Variants in TTC28 observed in about 807,000 individuals in gnomAD.
The protein encoded by TTC28 is tetratricopeptide repeat domain 28, also known as tetratricopeptide repeat protein 28.
A neutral mutation model predicts 198.0 loss-of-function variants in TTC28; 61 were observed. The observed-to-expected ratio is 0.31, with a 90% CI of 0.25 to 0.38. TTC28 has a LOEUF of 0.38. Among genes scored for constraint, TTC28 ranks in the 10% least tolerant of loss-of-function variants. The probability of loss-of-function intolerance (pLI) is 1.00; values close to 1 mark genes in which losing one functional copy is unlikely to be tolerated. For missense variants in TTC28, 2,678 were observed against 3,164.0 expected, an observed-to-expected ratio of 0.85 and a Z score of 3.69; for synonymous variants, 1,171 against 1,297.8, an observed-to-expected ratio of 0.90 and a Z score of 2.10.
At chr22:28,220,134 A>G (rs754829546) in intron 5 of TTC28, among the ~76,000 whole-genome samples, 1 of 152,208 alleles carries the variant, frequency 6.6e-6, no homozygotes, top group Non-Finnish European at 1.5e-5. Flanking sequence ...CCATTTCCTT[A>G]GGAATGTTAG....
intron 1 of TTC28, among the ~76,000 whole-genome samples, chr22:28,635,749 GACT>G (rs2051259604): frequency 6.6e-6 from 1 of 152,108 alleles, no homozygotes; most frequent in African/African-American, 2.4e-5. Context: ...ATTGTGAAAT[GACT>G]ACCACAATCA....
rs145474760 is a variant in TTC28, at chr22:28,552,483, A to G, written c.381+77069T>C. ...CACATTACTGACTTCAAAGTATACT[A>G]TAAGGCCATAGTCACCAAAACAGCC... On this transcript the variant is annotated intron_variant, in intron 2 of 22. Coordinates refer to ENST00000397906, the MANE Select transcript of TTC28 (RefSeq NM_001145418.2). 2.1e-3 allele frequency among the ~76,000 whole-genome samples: 314 copies of G among 152,330 alleles called. 1 individual carries two copies. Among genetic ancestry groups the G allele is most frequent in the African/African-American group, 7.0e-3 (290 of 41,578 alleles).
At chr22:28,061,918 T>C (rs1380528148) in intron 12 of TTC28, among the ~76,000 whole-genome samples, 1 of 152,250 alleles carries the variant, frequency 6.6e-6, no homozygotes, top group Non-Finnish European at 1.5e-5. Flanking sequence ...TAGTTCTCCT[T>C]GAAGAGGTCC....
chr22:28,495,096 G>A (rs1476524560), intron 2 of TTC28, among the ~76,000 whole-genome samples: 1 of 151,978 alleles, frequency 6.6e-6, no homozygotes, highest in Admixed American at 6.6e-5. Flanking sequence ...TATCTCCTGA[G>A]ATTCAATATC....
At chr22:28,266,123 T>C (rs562374949) in intron 5 of TTC28, among the ~76,000 whole-genome samples, 1 of 150,090 alleles carries the variant, frequency 6.7e-6, no homozygotes, top group Admixed American at 6.7e-5. Flanking sequence ...GAGGTTGCAG[T>C]GAGCCAAGAT....
chr22:28,472,552 ATGTG>A (rs3053555), intron 2 of TTC28, among the ~76,000 whole-genome samples: 8,171 of 114,646 alleles, frequency 0.071, 338 homozygotes, highest in African/African-American at 0.13. Context: ...GAAAATGTGT[ATGTG>A]TGTGTGTGTG....
chr22:28,661,268 G>C (rs945040211), intron 1 of TTC28, among the ~76,000 whole-genome samples: 2 of 152,028 alleles, frequency 1.3e-5, no homozygotes, highest in Admixed American at 6.6e-5. Context: ...TGGGCAACAA[G>C]TACGAAACTC....
intron 5 of TTC28, among the ~76,000 whole-genome samples, chr22:28,214,677 G>A (rs1927230759): frequency 6.6e-6 from 1 of 152,222 alleles, no homozygotes; most frequent in African/African-American, 2.4e-5. Context: ...CTTTTACACT[G>A]TTGGTGGGAC....
chr22:28,670,024 A>C (rs973131998), intron 1 of TTC28, among the ~76,000 whole-genome samples: 4 of 150,964 alleles, frequency 2.6e-5, no homozygotes, highest in African/African-American at 9.8e-5. Context: ...TTAGTTTGTC[A>C]TTCCATAAAA....
At position 27,978,706 on chromosome 22, in the gene TTC28, ATG is replaced by A. The variant is rs1300142447; in HGVS notation, c.*3513_*3514del. ...GTGTTGCACATCAGTGTGGATCAAA[ATG>A]TAAGTTTTAGTAGCAATTTTTCTCT... On this transcript the variant is annotated 3_prime_UTR_variant, in exon 23 of 23. Transcript: ENST00000397906. The A allele has an allele frequency of 6.6e-6, 1 of 152,152 alleles. No homozygotes were observed. The highest frequency in any genetic ancestry group is 6.5e-5 in the Admixed American group (1 of 15,278). The allele number at this position is 152,152 out of a possible 1,614,324, so 9.4% of individuals were successfully genotyped here. A position where few individuals can be genotyped will look rare whatever the true frequency, so the allele number is the denominator to read the frequency against.
intron 2 of TTC28, among the ~76,000 whole-genome samples, chr22:28,558,669 C>G (rs1016991035): frequency 6.6e-6 from 1 of 150,694 alleles, no homozygotes; most frequent in African/African-American, 2.4e-5. Flanking sequence ...GAGTGAAACT[C>G]CATCTCAAAA....
intron 5 of TTC28, among the ~76,000 whole-genome samples, chr22:28,218,418 T>C (rs1927572376): frequency 6.6e-6 from 1 of 152,192 alleles, no homozygotes; most frequent in South Asian, 2.1e-4. Flanking sequence ...AACTCTATCT[T>C]TCCCTTAAAA....
chr22:28,347,342 T>C (rs1381876377), intron 2 of TTC28, among the ~76,000 whole-genome samples: 3 of 151,834 alleles, frequency 2.0e-5, no homozygotes, highest in Non-Finnish European at 4.4e-5. Flanking sequence ...CCTCAACATA[T>C]GCTCCTTCAG....
rs556652812 is a variant in TTC28, at chr22:28,470,409, T to C, written c.381+159143A>G. On this transcript the variant is annotated intron_variant, in intron 2 of 22. Transcript: ENST00000397906. The stretch of plus-strand genomic sequence containing the variant: ...ATTTTGCTTAAGCCCACCAGAGTCT[T>C]AGCTAAGATATAAGCAAGCCCAAGA... Among the ~76,000 whole-genome samples the C allele has an allele frequency of 5.9e-5, 9 of 152,230 alleles. No homozygotes were observed. The South Asian group carries it at 1.9e-3, about 32-fold the overall frequency.
rs1937705741 is a variant in TTC28, at chr22:28,001,759, C to T, written c.4219-206G>A. 3 of 603,098 alleles carry T rather than the reference C, an allele frequency of 5.0e-6. No individual in the cohort carries two copies. In the East Asian group the frequency reaches 8.4e-5, roughly 17 times the overall value. The allele number at this position is 603,098 out of a possible 1,614,324, so 37.4% of individuals were successfully genotyped here. A position where few individuals can be genotyped will look rare whatever the true frequency, so the allele number is the denominator to read the frequency against. ...ATGCTCGCTTGTGGACTGGCAAGGGCTGGCCTGGCAGCATCCATCTGCCTC... is the reference window on the plus strand; with the variant it reads ...ATGCTCGCTTGTGGACTGGCAAGGGTTGGCCTGGCAGCATCCATCTGCCTC... On this transcript the variant is annotated intron_variant, in intron 14 of 22. Coordinates refer to ENST00000397906, the MANE Select transcript of TTC28 (RefSeq NM_001145418.2).
chr22:28,516,006 C>T (rs954160614), intron 2 of TTC28, among the ~76,000 whole-genome samples: 5 of 151,780 alleles, frequency 3.3e-5, no homozygotes, highest in South Asian at 2.1e-4. Flanking sequence ...ATTAACCGGG[C>T]GTGGTCGTGT....
intron 17 of TTC28, among the ~76,000 whole-genome samples, chr22:27,994,235 G>A (rs1937510309): frequency 6.6e-6 from 1 of 152,178 alleles, no homozygotes; most frequent in South Asian, 2.1e-4. Context: ...CTTGAGTCCA[G>A]GAGTTCAAGA....
intron 2 of TTC28, among the ~76,000 whole-genome samples, chr22:28,528,736 A>AT (rs1271139278): frequency 2.5e-5 from 3 of 118,206 alleles, no homozygotes; most frequent in South Asian, 3.0e-4. Context: ...ACCCTGTCTC[A>AT]TAAAAAAAAA....
chr22:28,647,795 A>T (rs1394229829), intron 1 of TTC28, among the ~76,000 whole-genome samples: 3 of 149,484 alleles, frequency 2.0e-5, no homozygotes, highest in East Asian at 4.1e-4. Flanking sequence ...GCCAAGATCG[A>T]GCCACTGCAC....
Sources: gnomAD v4.1 joint callset for allele counts (sites outside exome capture counted in the v4.1 genomes callset) on GRCh38, gnomAD v4.1.1 for gene constraint, MANE v1.5 for transcripts, NCBI Gene and HGNC (gene_info 2026-07-23, HGNC 2026-07-21) for gene names.